The following ADAM9 variants were observed in gnomAD, a reference collection of about 807,000 sequenced individuals.
The protein encoded by ADAM9 is ADAM metallopeptidase domain 9.
ADAM9 carries 54 observed loss-of-function variants against 108.1 expected under a neutral mutation model. The ratio of observed to expected loss-of-function variants is 0.50; its 90% CI spans 0.40 to 0.63. The LOEUF (loss-of-function observed/expected upper bound fraction) is 0.63, where lower values mean the gene tolerates loss of function less well. Among genes scored for constraint, ADAM9 ranks in the 20% least tolerant of loss-of-function variants. The pLI is 0.00. For missense variants in ADAM9, 830 were observed against 997.7 expected, an observed-to-expected ratio of 0.83 and a Z score of 2.26; for synonymous variants, 316 against 336.0, an observed-to-expected ratio of 0.94 and a Z score of 0.65.
intron 18 of ADAM9, among the ~76,000 whole-genome samples, chr8:39,088,270 C>CT (rs35266733): frequency 0.41 from 60,627 of 147,348 alleles, 12,967 homozygotes; most frequent in East Asian, 0.73. Context: ...TTTTATACAA[C>CT]TTTTTTTTTT....
chr8:39,033,181 A>G (rs1192296335), intron 11 of ADAM9, among the ~76,000 whole-genome samples: 1 of 152,172 alleles, frequency 6.6e-6, no homozygotes, highest in African/African-American at 2.4e-5. Flanking sequence ...GGGGGTCCTA[A>G]TGTACATGAT....
chr8:39,013,080 A>G (rs1836410150), intron 3 of ADAM9, among the ~76,000 whole-genome samples: 3 of 151,938 alleles, frequency 2.0e-5, no homozygotes, highest in South Asian at 2.1e-4. Context: ...AAATAAGCAT[A>G]CAGCTGCTCC....
intron 14 of ADAM9, among the ~76,000 whole-genome samples, chr8:39,060,703 A>G (rs935555650): frequency 6.6e-6 from 1 of 152,236 alleles, no homozygotes; most frequent in African/African-American, 2.4e-5. Flanking sequence ...TTTCTTGCTC[A>G]CTAGGTCTAA....
chr8:38,998,616 AAGGT>A (rs989513896), intron 1 of ADAM9, among the ~76,000 whole-genome samples: 1 of 152,208 alleles, frequency 6.6e-6, no homozygotes, highest in African/African-American at 2.4e-5. Context: ...AGAGGGGCAG[AAGGT>A]GACCAAATAT....
intron 15 of ADAM9, among the ~76,000 whole-genome samples, chr8:39,075,224 A>G (rs979406325): frequency 2.6e-5 from 4 of 152,170 alleles, no homozygotes; most frequent in African/African-American, 9.7e-5. Context: ...CAAAATCTTA[A>G]TTGAATTCAG....
At chr8:39,061,153 A>G (rs889304564) in intron 14 of ADAM9, among the ~76,000 whole-genome samples, 3 of 152,170 alleles carry the variant, frequency 2.0e-5, no homozygotes, top group Non-Finnish European at 4.4e-5. Context: ...AATCTCTGCA[A>G]TCCCTCCAGA....
At chr8:39,012,787 G>T (rs1273016019) in intron 3 of ADAM9, among the ~76,000 whole-genome samples, 3 of 152,082 alleles carry the variant, frequency 2.0e-5, no homozygotes, top group Non-Finnish European at 4.4e-5. Flanking sequence ...CACACACCAG[G>T]GCCTGTCGTG....
chr8:39,090,882 C>T (rs556143157), intron 19 of ADAM9, among the ~76,000 whole-genome samples: 1 of 152,328 alleles, frequency 6.6e-6, no homozygotes, highest in South Asian at 2.1e-4. Context: ...CCTTTCCAGC[C>T]AATCCATTCA....
At chr8:39,041,813 A>T (rs1837462935) in intron 11 of ADAM9, 133 bp from the exon 12 acceptor site, 1 of 766,166 alleles carries the variant, frequency 1.3e-6, no homozygotes, top group African/African-American at 1.8e-5. Flanking sequence ...ATGAATTCTC[A>T]TTTCTGTCCA....
At chr8:39,089,514 C>T (rs2129443007) in intron 18 of ADAM9, among the ~76,000 whole-genome samples, 1 of 152,294 alleles carries the variant, frequency 6.6e-6, no homozygotes, top group African/African-American at 2.4e-5. Context: ...GGAAATTATT[C>T]TGTAGTTATT....
At chr8:39,078,450 T>C (rs1002086560) in intron 16 of ADAM9, among the ~76,000 whole-genome samples, 47 of 151,936 alleles carry the variant, frequency 3.1e-4, no homozygotes, top group Admixed American at 1.8e-3. Context: ...TCTAGACGCC[T>C]AGAAGCAACT....
In ADAM9 at chr8:39,055,754, C is replaced by A. The variant is rs1205006389; in HGVS notation, c.1573C>A (p.Gln525Lys). 6.2e-7 allele frequency: 1 copy of A among 1,613,380 alleles called. No individual in the cohort carries two copies. Among genetic ancestry groups the A allele is most frequent in the Admixed American group, 1.7e-5 (1 of 59,930 alleles). Residue 525 changes from glutamine (Q) to lysine (K), a missense_variant, in exon 14 of 22, where the codon CAA becomes AAA. Gln to Lys is a moderately conservative substitution (Grantham distance 53). Coordinates refer to ENST00000487273, the MANE Select transcript of ADAM9 (RefSeq NM_003816.3). ...GTGCCAGTATTATGATGCTCAATGT[C>A]AAGTCATCTTTGGCTCAAGTAAGAT... ...GMCQYYDAQC[Q>K]VIFGSKAKAA...
intron 14 of ADAM9, among the ~76,000 whole-genome samples, chr8:39,059,443 A>G (rs995548210): frequency 2.0e-5 from 3 of 152,280 alleles, no homozygotes; most frequent in Admixed American, 1.3e-4. Flanking sequence ...TCAGTTGTTG[A>G]GAGGAAGTCC....
intron 12 of ADAM9, among the ~76,000 whole-genome samples, chr8:39,051,569 C>T (rs1837959512): frequency 6.6e-6 from 1 of 152,094 alleles, no homozygotes; most frequent in South Asian, 2.1e-4. Flanking sequence ...GGGGAGTGTA[C>T]AGGGATGTTT....
intron 11 of ADAM9, among the ~76,000 whole-genome samples, chr8:39,040,650 C>G (rs1837431626): frequency 6.6e-6 from 1 of 152,176 alleles, no homozygotes; most frequent in African/African-American, 2.4e-5. Context: ...TCCCAATCTG[C>G]AGACTTTTCA....
At chr8:39,024,001 C>CT (rs1308483842) in intron 9 of ADAM9, among the ~76,000 whole-genome samples, 1 of 152,098 alleles carries the variant, frequency 6.6e-6, no homozygotes, top group Non-Finnish European at 1.5e-5. Flanking sequence ...CTGTTTTGGC[C>CT]TCCCACAGTG....
At position 39,045,262 on chromosome 8, in the gene ADAM9, A is replaced by ATACATACATATATGTGTATATG. The variant is rs1837660973; in HGVS notation, c.1302+3146_1302+3147insACATACATATATGTGTATATGT. Among the ~76,000 whole-genome samples, 3 of 142,248 alleles carry ATACATACATATATGTGTATATG rather than the reference A, an allele frequency of 2.1e-5. 1 individual carries two copies. The highest frequency in any genetic ancestry group is 3.1e-5 in the Non-Finnish European group (2 of 63,800). 93.3% of individuals were successfully genotyped at this position (142,248 alleles called of 152,430 possible). Reference sequence around the variant, plus strand: ...TGTATACATACATATATGTGTATATATGTGTATACATACATATGTATATGT... The same window carrying ATACATACATATATGTGTATATG: ...TGTATACATACATATATGTGTATATATACATACATATATGTGTATATGTGTGTATACATACATATGTATATGT... On this transcript the variant is annotated intron_variant, in intron 12 of 21. Transcript: ENST00000487273.
intron 15 of ADAM9, among the ~76,000 whole-genome samples, chr8:39,072,424 A>G (rs1007239028): frequency 5.3e-5 from 8 of 152,240 alleles, no homozygotes; most frequent in Non-Finnish European, 5.9e-5. Context: ...AGGTCTTCAT[A>G]CAATAGTACT....
At position 39,105,235 on chromosome 8, in the gene ADAM9, A is replaced by G. The variant is rs906795844; in HGVS notation, c.*1535A>G. 9.4e-6 allele frequency: 4 copies of G among 424,306 alleles called. No individual in the cohort carries two copies. The highest frequency in any genetic ancestry group is 1.8e-5 in the Non-Finnish European group (4 of 218,118). The allele number at this position is 424,306 out of a possible 1,614,324, so 26.3% of individuals were successfully genotyped here. On this transcript the variant is annotated 3_prime_UTR_variant, in exon 22 of 22. Transcript: ENST00000487273. The stretch of plus-strand genomic sequence containing the variant: ...ATGTTATTTTAACAATCAAGTATAC[A>G]TATTAAAAATTGTGAGCAATCTCAA...
Sources: allele counts gnomAD v4.1 joint callset (sites outside exome capture counted in the v4.1 genomes callset), GRCh38; gene constraint gnomAD v4.1.1; transcripts MANE v1.5; gene names NCBI Gene and HGNC (gene_info 2026-07-23, HGNC 2026-07-21).